FAM111B: variants seen among roughly 807,000 people sequenced by gnomAD.
FAM111B encodes FAM111 trypsin like peptidase B.
Under a neutral mutation model 2.8 loss-of-function variants are expected in FAM111B, and 1 was observed. The ratio of observed to expected loss-of-function variants is 0.36; its 90% CI spans 0.13 to 1.70. The LOEUF is 1.70. FAM111B is among the 40% of genes most tolerant of loss of function. The pLI is 0.35. For synonymous variants in FAM111B, 297 were observed against 295.6 expected (o/e 1.00, Z -0.05); for missense variants, 882 against 878.9 (o/e 1.00, Z -0.04).
At position 59,126,612 on chromosome 11, in the gene FAM111B, A is replaced by G. The variant is rs1267975958; in HGVS notation, c.*310A>G. ...AAAGGACATGAACAAACACTTTTCAAAAGAAGATATACACATGGCCAACAA... is the reference window on the plus strand; with the variant it reads ...AAAGGACATGAACAAACACTTTTCAGAAGAAGATATACACATGGCCAACAA... On this transcript the variant is annotated 3_prime_UTR_variant, in exon 4 of 4. Transcript: ENST00000343597. 9.1e-6 allele frequency: 2 copies of G among 219,524 alleles called. No homozygotes were observed. The highest frequency in any genetic ancestry group is 1.8e-5 in the Non-Finnish European group (2 of 112,550). 13.6% of individuals were successfully genotyped at this position (219,524 alleles called of 1,614,324 possible). A position where few individuals can be genotyped will look rare whatever the true frequency, so the allele number is the denominator to read the frequency against.
chr11:59,122,797 T>C (rs911720850), intron 3 of FAM111B, among the ~76,000 whole-genome samples: 4 of 152,026 alleles, frequency 2.6e-5, no homozygotes, highest in African/African-American at 9.7e-5. Context: ...CATGAGGTGA[T>C]AGGAGAGCCC....
chr11:59,124,201 A>T lies in FAM111B; in HGVS notation c.104A>T (p.His35Leu). The change falls in exon 4 of 4, where the codon CAT becomes CTT. Residue 35 changes from histidine (H) to leucine (L), a missense_variant. His to Leu is a moderately conservative substitution (Grantham distance 99). Coordinates refer to ENST00000343597, the MANE Select transcript of FAM111B (RefSeq NM_198947.4). ...AAGGATACTGTCATGAAGCAGACAC[A>T]TGCTGACACACCTGTTGATCATTGT... ...VSKDTVMKQT[H>L]ADTPVDHCLS... 6.8e-6 allele frequency: 11 copies of T among 1,612,546 alleles called. No individual in the cohort carries two copies. Among genetic ancestry groups the T allele is most frequent in the Non-Finnish European group, 9.3e-6 (11 of 1,178,900 alleles).
chr11:59,110,790 A>G (rs919985999), intron 3 of FAM111B, among the ~76,000 whole-genome samples: 1 of 152,212 alleles, frequency 6.6e-6, no homozygotes, highest in Non-Finnish European at 1.5e-5. Flanking sequence ...ACAGGAAAAC[A>G]TATTTGGGGA....
rs777905799 is a variant in FAM111B at position 59,126,125 on chromosome 11, T to C, written c.2028T>C (p.Asn676=). Residue 676 remains asparagine, a synonymous_variant, in exon 4 of 4, where the codon AAT becomes AAC. Coordinates refer to ENST00000343597, the MANE Select transcript of FAM111B (RefSeq NM_198947.4). ...TFGLFYQRGF[N]VHALIEFGYS... ...GGCTTTTTTATCAACGAGGATTTAA[T>C]GTGCATGCCCTTATTGAATTTGGTT... The C allele has an allele frequency of 5.0e-6, 8 of 1,613,086 alleles. No homozygotes were observed. Among genetic ancestry groups the C allele is most frequent in the Middle Eastern group, 1.6e-4 (1 of 6,080 alleles).
rs182877981 is a variant in FAM111B, at chr11:59,111,711, G to A, written c.81+2005G>A. Among the ~76,000 whole-genome samples the A allele has an allele frequency of 4.3e-3, 652 of 152,212 alleles. 9 individuals are homozygous for A. Among genetic ancestry groups the A allele is most frequent in the African/African-American group, 0.014 (600 of 41,534 alleles). On this transcript the variant is annotated intron_variant, in intron 3 of 3. Transcript: ENST00000343597. ...GACAGTGCAGATGTAGAACATTTCC[G>A]TCACTGCAGACATTCTATTGGGCAG...
At chr11:59,120,865 G>A (rs945121151) in intron 3 of FAM111B, among the ~76,000 whole-genome samples, 2 of 152,078 alleles carry the variant, frequency 1.3e-5, no homozygotes, top group Non-Finnish European at 2.9e-5. Context: ...ATTTTGAGGG[G>A]ACACAGTTCA....
intron 3 of FAM111B, among the ~76,000 whole-genome samples, chr11:59,118,147 T>G (rs1306270388): frequency 6.6e-6 from 1 of 152,002 alleles, no homozygotes; most frequent in Non-Finnish European, 1.5e-5. Flanking sequence ...AAAGCGGGAG[T>G]TGGGGGCATA....
chr11:59,124,108 C>A, intron 3 of FAM111B, 71 bp from the exon 4 acceptor site: 2 of 1,051,250 alleles, frequency 1.9e-6, no homozygotes, highest in South Asian at 1.9e-5. Flanking sequence ...TCTATTAGTT[C>A]TATCATTAGA....
intron 3 of FAM111B, 46 bp downstream of exon 3, chr11:59,109,752 T>C (rs769652259): frequency 3.1e-5 from 37 of 1,188,850 alleles, no homozygotes; most frequent in African/African-American, 1.4e-4. Context: ...ATAGTCTAAC[T>C]ATAGTGCCAT....
At position 59,125,377 on chromosome 11, in the gene FAM111B, C is replaced by G. The variant is rs1860005927; in HGVS notation, c.1280C>G (p.Pro427Arg). 5.0e-6 allele frequency: 8 copies of G among 1,613,714 alleles called. No homozygotes were observed. Among genetic ancestry groups the G allele is most frequent in the Non-Finnish European group, 6.8e-6 (8 of 1,179,782 alleles). ...REEQKRMNLS[P>R]AKQFNIYKKD... ...GAACAAAAGAGAATGAATCTTTCAC[C>G]AGCTAAGCAATTCAACATATATAAA... The change falls in exon 4 of 4, where the codon CCA becomes CGA. Residue 427 changes from proline (P) to arginine (R), a missense_variant. Pro to Arg is a moderately radical substitution (Grantham distance 103). Transcript: ENST00000343597.
chr11:59,121,720 A>C (rs1264221815), intron 3 of FAM111B, among the ~76,000 whole-genome samples: 1 of 152,236 alleles, frequency 6.6e-6, no homozygotes, highest in Non-Finnish European at 1.5e-5. Context: ...GGATATTCAT[A>C]GCAAAATTAG....
chr11:59,109,472 C>A (rs1859722943), intron 2 of FAM111B, 68 bp from the exon 3 acceptor site: 2 of 528,628 alleles, frequency 3.8e-6, no homozygotes, highest in African/African-American at 1.9e-5. Context: ...AGATGAGGTC[C>A]CACACCACCT....
rs2135403553 is a variant in FAM111B at position 59,124,196 on chromosome 11, GAC to G, written c.103_104del (p.His35CysfsTer2). On this transcript the variant is annotated frameshift_variant, in exon 4 of 4. Coordinates refer to ENST00000343597, the MANE Select transcript of FAM111B (RefSeq NM_198947.4). LOFTEE classifies it low-confidence loss of function (END_TRUNC). ...TTTTTAAGGATACTGTCATGAAGCAGACACATGCTGACACACCTGTTGATCAT... is the reference window on the plus strand; with the variant it reads ...TTTTTAAGGATACTGTCATGAAGCAGACATGCTGACACACCTGTTGATCAT... ...EVSKDTVMKQ[T>X]HADTPVDHCL... 1.9e-6 allele frequency: 3 copies of G among 1,610,912 alleles called. No individual in the cohort carries two copies. Among genetic ancestry groups the G allele is most frequent in the Non-Finnish European group, 2.5e-6 (3 of 1,178,014 alleles).
At chr11:59,112,828 A>G (rs1859780322) in intron 3 of FAM111B, among the ~76,000 whole-genome samples, 1 of 152,162 alleles carries the variant, frequency 6.6e-6, no homozygotes, top group South Asian at 2.1e-4. Context: ...TTCCCATTTT[A>G]TACTTGTTAG....
intron 3 of FAM111B, among the ~76,000 whole-genome samples, chr11:59,119,834 A>C (rs946798408): frequency 6.6e-6 from 1 of 152,184 alleles, no homozygotes; most frequent in Admixed American, 6.5e-5. Flanking sequence ...GCAGTGTGAT[A>C]AGAAAAAATA....
chr11:59,110,302 C>T (rs779628441), intron 3 of FAM111B, among the ~76,000 whole-genome samples: 1 of 152,134 alleles, frequency 6.6e-6, no homozygotes, highest in Non-Finnish European at 1.5e-5. Context: ...ACTTAGGAAA[C>T]TACAGCAGCG....
chr11:59,109,612 TCTTTGA>T lies in FAM111B; in HGVS notation c.-13_-8del. Reference sequence around the variant, plus strand: ...CGAGTAGTAGAAGTTAGTTACATTCTCTTTGAACTCATCATGAATTCCATGAAGACT... The same window carrying T: ...CGAGTAGTAGAAGTTAGTTACATTCTACTCATCATGAATTCCATGAAGACT... On this transcript the variant is annotated 5_prime_UTR_variant, in exon 3 of 4. Coordinates refer to ENST00000343597, the MANE Select transcript of FAM111B (RefSeq NM_198947.4). 6.3e-7 allele frequency: 1 copy of T among 1,582,854 alleles called. No individual in the cohort carries two copies. Among genetic ancestry groups the T allele is most frequent in the South Asian group, 1.1e-5 (1 of 88,984 alleles).
In FAM111B at chr11:59,126,859, T is replaced by A. The variant is rs1181304766; in HGVS notation, c.*557T>A. The A allele has an allele frequency of 6.2e-6, 1 of 160,908 alleles. No individual in the cohort carries two copies. The highest frequency in any genetic ancestry group is 2.4e-5 in the African/African-American group (1 of 41,432). 10.0% of individuals were successfully genotyped at this position (160,908 alleles called of 1,614,324 possible). On this transcript the variant is annotated 3_prime_UTR_variant, in exon 4 of 4. Transcript: ENST00000343597. The stretch of plus-strand genomic sequence containing the variant: ...GATTTCTAAAAGAACTTAAAACAGC[T>A]ACCATTCAAGCCAGCAATCTCATGA...
chr11:59,109,687 C>T lies in FAM111B; in HGVS notation c.62C>T (p.Thr21Ile), dbSNP rs1188750977. 6.2e-7 allele frequency: 1 copy of T among 1,611,758 alleles called. No homozygotes were observed. The highest frequency in any genetic ancestry group is 8.5e-7 in the Non-Finnish European group (1 of 1,178,646). ...AGCGCTATGGAAGATGACCAGAGGA[C>T]TAGACCTGAAGTTTCAAAGGTATAT... Reference protein sequence around the residue: ...SFSAMEDDQRTRPEVSKDTVM... With the variant: ...SFSAMEDDQRIRPEVSKDTVM... Residue 21 changes from threonine (T) to isoleucine (I), a missense_variant, in exon 3 of 4, where the codon ACT (threonine) becomes ATT (isoleucine). Transcript: ENST00000343597.
Sources: gnomAD v4.1 joint callset for allele counts (sites outside exome capture counted in the v4.1 genomes callset) on GRCh38, gnomAD v4.1.1 for gene constraint, MANE v1.5 for transcripts, NCBI Gene and HGNC (gene_info 2026-07-23, HGNC 2026-07-21) for gene names.